The following RASA3 variants were observed in gnomAD, a reference collection of about 807,000 sequenced individuals.
RASA3 encodes the protein ras GTPase-activating protein 3.
In RASA3, 73 loss-of-function variants were observed where a neutral mutation model predicts 110.0. The ratio of observed to expected loss-of-function variants is 0.66; its 90% CI spans 0.55 to 0.81. The LOEUF is 0.81. Among genes scored for constraint, RASA3 ranks in the 30% least tolerant of loss-of-function variants. The pLI is 0.00. For synonymous variants in RASA3, 500 were observed against 451.4 expected, an observed-to-expected ratio of 1.11 and a Z score of -1.37; for missense variants, 976 against 1,113.2, an observed-to-expected ratio of 0.88 and a Z score of 1.75.
In RASA3 at chr13:114,011,381, G is replaced by T. The variant is rs1324561661; in HGVS notation, c.1513-133C>A. 2 of 777,806 alleles carry T rather than the reference G, an allele frequency of 2.6e-6. No individual in the cohort carries two copies. The highest frequency in any genetic ancestry group is 1.6e-5 in the South Asian group (1 of 64,424). The allele number at this position is 777,806 out of a possible 1,614,324, so 48.2% of individuals were successfully genotyped here. A position where few individuals can be genotyped will look rare whatever the true frequency, so the allele number is the denominator to read the frequency against. ...TGTGCATGAGCTACGGAGAAACAGG[G>T]GTAGCGACGCAGATGGGACTGGAGG... On this transcript the variant is annotated intron_variant, in intron 15 of 23. Coordinates refer to ENST00000334062, the MANE Select transcript of RASA3 (RefSeq NM_007368.4). This position sits in a 1 kb window ranked among gnomAD's most constrained non-coding sequence, Gnocchi z 4.8.
At chr13:114,072,645 C>T (rs1287739638) in intron 2 of RASA3, among the ~76,000 whole-genome samples, 1 of 152,188 alleles carries the variant, frequency 6.6e-6, no homozygotes, top group Non-Finnish European at 1.5e-5. Flanking sequence ...ACATGCACTT[C>T]CTGGACAGCG....
At chr13:114,019,813 C>T (rs1482418077) in intron 9 of RASA3, among the ~76,000 whole-genome samples, 6 of 114,680 alleles carry the variant, frequency 5.2e-5, no homozygotes, top group South Asian at 3.3e-4. Context: ...AGCCTGTGTC[C>T]GAGGCATTAG....
At chr13:114,041,297 C>T (rs906955410) in intron 3 of RASA3, among the ~76,000 whole-genome samples, 2 of 152,214 alleles carry the variant, frequency 1.3e-5, no homozygotes, top group Non-Finnish European at 2.9e-5. Flanking sequence ...CCAGCCTGAG[C>T]GATATGGTGA....
intron 2 of RASA3, among the ~76,000 whole-genome samples, chr13:114,063,917 G>A (rs1482845169): frequency 6.6e-6 from 1 of 152,208 alleles, no homozygotes; most frequent in Non-Finnish European, 1.5e-5. Flanking sequence ...GAGGTGGAAT[G>A]TCCATCTTTT....
At chr13:114,020,975 C>T (rs538318496) in intron 9 of RASA3, among the ~76,000 whole-genome samples, 68 of 152,306 alleles carry the variant, frequency 4.5e-4, no homozygotes, top group Non-Finnish European at 7.2e-4. Context: ...CTCAGGGCCC[C>T]GCTTTCACCC....
At chr13:113,984,264 T>C (rs923068603) in intron 22 of RASA3, among the ~76,000 whole-genome samples, 1 of 111,914 alleles carries the variant, frequency 8.9e-6, no homozygotes, top group Non-Finnish European at 2.0e-5. Context: ...CATCTGTCCA[T>C]CCACCCATCA....
chr13:114,025,844 G>A (rs2054015799), intron 7 of RASA3, among the ~76,000 whole-genome samples: 1 of 152,236 alleles, frequency 6.6e-6, no homozygotes, highest in Admixed American at 6.5e-5. Flanking sequence ...ACAGCCCGCG[G>A]GGGATGTGCT....
At position 113,983,027 on chromosome 13, in the gene RASA3, G is replaced by A. The variant is rs142779765; in HGVS notation, c.2246-1169C>T. Among the ~76,000 whole-genome samples the A allele has an allele frequency of 9.3e-3, 1,407 of 151,462 alleles. 7 individuals carry two copies. The highest frequency in any genetic ancestry group is 0.017 in the Non-Finnish European group (1,121 of 67,882). On this transcript the variant is annotated intron_variant, in intron 22 of 23. Coordinates refer to ENST00000334062, the MANE Select transcript of RASA3 (RefSeq NM_007368.4). ...CTCACCAAGAACTTGGTACTGAGAA[G>A]TGGCTGCTGCTGTACCTTCAAATGT...
chr13:114,098,113 C>A (rs2079969763), intron 1 of RASA3, among the ~76,000 whole-genome samples: 1 of 152,178 alleles, frequency 6.6e-6, no homozygotes, highest in South Asian at 2.1e-4. Context: ...GACCCCAGGG[C>A]CAAAACCCCA....
At chr13:114,054,953 TGTGG>T (rs1375990810) in intron 2 of RASA3, among the ~76,000 whole-genome samples, 2 of 151,244 alleles carry the variant, frequency 1.3e-5, no homozygotes, top group Non-Finnish European at 3.0e-5. Flanking sequence ...GGCATGTGTG[TGTGG>T]GTGTGTGCAC....
At chr13:114,039,047 A>T (rs1490062366) in intron 4 of RASA3, among the ~76,000 whole-genome samples, 1 of 152,166 alleles carries the variant, frequency 6.6e-6, no homozygotes, top group Non-Finnish European at 1.5e-5. Flanking sequence ...TCACAAACCC[A>T]CCCAGATGGG....
intron 1 of RASA3, among the ~76,000 whole-genome samples, chr13:114,097,732 C>T (rs561868668): frequency 1.1e-4 from 17 of 152,358 alleles, no homozygotes; most frequent in Non-Finnish European, 1.8e-4. Context: ...GGGATGCAGA[C>T]GCTGAGACGG....
intron 1 of RASA3, among the ~76,000 whole-genome samples, chr13:114,122,183 T>C (rs1322152398): frequency 6.6e-6 from 1 of 152,108 alleles, no homozygotes; most frequent in Non-Finnish European, 1.5e-5. Context: ...TCAGGGCCCC[T>C]CCGCGGTCAG....
intron 22 of RASA3, among the ~76,000 whole-genome samples, chr13:113,982,781 G>A (rs150859009): frequency 1.0e-3 from 156 of 152,334 alleles, no homozygotes; most frequent in African/African-American, 3.6e-3. Context: ...CCTTGTGCAG[G>A]GGATGGGCGT....
chr13:114,017,054 T>C (rs936573898), intron 12 of RASA3, among the ~76,000 whole-genome samples, 183 bp downstream of exon 12: 1 of 152,206 alleles, frequency 6.6e-6, no homozygotes, highest in African/African-American at 2.4e-5. Flanking sequence ...TTTGGAAGGT[T>C]CTGGAGTACA....
At chr13:114,044,821 A>C (rs960398402) in intron 3 of RASA3, among the ~76,000 whole-genome samples, 1 of 152,056 alleles carries the variant, frequency 6.6e-6, no homozygotes, top group Non-Finnish European at 1.5e-5. Flanking sequence ...TGAAGTTTTA[A>C]ATACTTGCAA....
At chr13:114,009,565 C>T (rs532696995) in intron 16 of RASA3, 101 bp from the exon 17 acceptor site, 47 of 805,690 alleles carry the variant, frequency 5.8e-5, no homozygotes, top group South Asian at 5.7e-4. Flanking sequence ...GCCTAAATGA[C>T]GATAAACAGG....
At chr13:114,117,887 G>C (rs910561041) in intron 1 of RASA3, among the ~76,000 whole-genome samples, 4 of 149,544 alleles carry the variant, frequency 2.7e-5, no homozygotes, top group Non-Finnish European at 5.9e-5. Flanking sequence ...GTGTGTGAGG[G>C]GTGCACGTGT....
intron 7 of RASA3, 44 bp downstream of exon 7, chr13:114,027,345 G>A (rs370717910): frequency 2.6e-5 from 37 of 1,441,300 alleles, no homozygotes; most frequent in African/African-American, 1.1e-4. Flanking sequence ...AACGTGTCTC[G>A]GGTGCAGAGT....
Sources: allele counts gnomAD v4.1 joint callset (sites outside exome capture counted in the v4.1 genomes callset), GRCh38; gene constraint gnomAD v4.1.1; non-coding constraint Gnocchi (gnomAD v3.1); transcripts MANE v1.5; gene names NCBI Gene and HGNC (gene_info 2026-07-23, HGNC 2026-07-21).